FHL2: variants seen among roughly 807,000 people sequenced by gnomAD.
FHL2 encodes the protein four and a half LIM domains 2, also known as four and a half LIM domains protein 2.
A neutral mutation model predicts 32.7 loss-of-function variants in FHL2; 20 were observed. The observed-to-expected ratio is 0.61, with a 90% CI of 0.43 to 0.89. The LOEUF is 0.89. Ranked by LOEUF, FHL2 falls within the 40% of genes least tolerant of loss-of-function variation. The probability of loss-of-function intolerance (pLI) is 0.00; values close to 1 mark genes in which losing one functional copy is unlikely to be tolerated. For synonymous variants in FHL2, 123 were observed against 128.1 expected (o/e 0.96, Z 0.27); for missense variants, 311 against 358.6 (o/e 0.87, Z 1.07).
At chr2:105,373,909 A>G (rs1252342986) in intron 3 of FHL2, among the ~76,000 whole-genome samples, 176 bp from the exon 4 acceptor site, 1 of 152,240 alleles carries the variant, frequency 6.6e-6, no homozygotes, top group Non-Finnish European at 1.5e-5. Context: ...AATTAAGACT[A>G]GGCTGCTTTT....
At chr2:105,371,113 C>T (rs1008257750) in intron 4 of FHL2, among the ~76,000 whole-genome samples, 1 of 152,084 alleles carries the variant, frequency 6.6e-6, no homozygotes, top group Non-Finnish European at 1.5e-5. Context: ...TTTTCTTTCC[C>T]TCCCCAGTAA....
upstream of FHL2, among the ~76,000 whole-genome samples, chr2:105,402,076 T>C (rs916497741): frequency 9.4e-5 from 14 of 149,276 alleles, no homozygotes; most frequent in South Asian, 1.3e-3. Flanking sequence ...CATATACATG[T>C]ATATATGTGT....
chr2:105,386,203 G>T, intron 3 of FHL2, 158 bp downstream of exon 3: 1 of 716,198 alleles, frequency 1.4e-6, no homozygotes, highest in Non-Finnish European at 2.2e-6. Flanking sequence ...TTCGCTAGAG[G>T]GAAGAAGCTT....
intron 3 of FHL2, 94 bp downstream of exon 3, chr2:105,386,267 C>T: frequency 2.8e-6 from 4 of 1,448,304 alleles, no homozygotes; most frequent in Non-Finnish European, 2.8e-6. Context: ...AAGAGACAGA[C>T]TTCAGTGGTG....
intron 3 of FHL2, among the ~76,000 whole-genome samples, chr2:105,380,327 T>C (rs1286095893): frequency 1.3e-5 from 2 of 152,214 alleles, no homozygotes; most frequent in African/African-American, 4.8e-5. Flanking sequence ...TCTGAATCTT[T>C]ACCTGTGAAG....
chr2:105,386,247 G>T, intron 3 of FHL2, 114 bp downstream of exon 3: 1 of 1,254,624 alleles, frequency 8.0e-7, no homozygotes. Flanking sequence ...ACGCCCCTCA[G>T]AGGGGGCTCA....
intron 1 of FHL2, among the ~76,000 whole-genome samples, chr2:105,434,048 C>G (rs756868026): frequency 5.3e-5 from 8 of 152,270 alleles, no homozygotes; most frequent in Non-Finnish European, 1.2e-4. Flanking sequence ...TGTTCACATT[C>G]CTTCTCACCT....
intron 2 of FHL2, among the ~76,000 whole-genome samples, chr2:105,389,018 G>A (rs1295264984): frequency 1.3e-5 from 2 of 152,194 alleles, no homozygotes; most frequent in African/African-American, 2.4e-5. Flanking sequence ...GTACTATTGC[G>A]TATACACGAT....
chr2:105,384,937 T>G (rs1682190229), intron 3 of FHL2, among the ~76,000 whole-genome samples: 4 of 152,224 alleles, frequency 2.6e-5, no homozygotes, highest in South Asian at 4.1e-4. Flanking sequence ...GCTCTCATGC[T>G]TGTCCTGTTA....
At chr2:105,405,489 T>C (rs1683600407) in intron 1 of FHL2, among the ~76,000 whole-genome samples, 2 of 152,200 alleles carry the variant, frequency 1.3e-5, no homozygotes, top group African/African-American at 4.8e-5. Flanking sequence ...CCGCTCACTG[T>C]AAACTCTGCC....
chr2:105,381,926 C>T (rs796279779), intron 3 of FHL2, among the ~76,000 whole-genome samples: 1 of 152,182 alleles, frequency 6.6e-6, no homozygotes, highest in African/African-American at 2.4e-5. Flanking sequence ...TGTGTTACAC[C>T]GAGGACAGAA....
chr2:105,437,042 A>T (rs1172732419), intron 1 of FHL2, among the ~76,000 whole-genome samples: 2 of 152,202 alleles, frequency 1.3e-5, no homozygotes, highest in East Asian at 3.8e-4. Flanking sequence ...TCTGAAATCA[A>T]TGGAGAACTC....
At chr2:105,412,773 A>G (rs1432703496) in intron 1 of FHL2, among the ~76,000 whole-genome samples, 1 of 152,150 alleles carries the variant, frequency 6.6e-6, no homozygotes, top group Non-Finnish European at 1.5e-5. Context: ...GAAGCCAGTG[A>G]CTGACACAGC....
intron 1 of FHL2, among the ~76,000 whole-genome samples, chr2:105,410,090 A>G (rs1683748601): frequency 6.6e-6 from 1 of 152,252 alleles, no homozygotes; most frequent in African/African-American, 2.4e-5. Flanking sequence ...GACAGAGTTC[A>G]GGGATCACAC....
rs527642280 is a variant in FHL2 at position 105,414,507 on chromosome 2, A to G, written c.-25+23892T>C. On this transcript the variant is annotated intron_variant, in intron 1 of 5. Transcript: ENST00000393352. ...CGCCGCCATTATCTCATTAGCATAC[A>G]AAAGTACTCTTGTCACTCAAGAGAT... Among the ~76,000 whole-genome samples, 150 of 152,014 alleles carry G rather than the reference A, an allele frequency of 9.9e-4. 3 individuals carry two copies. Among genetic ancestry groups the G allele is most frequent in the Non-Finnish European group, 3.8e-4 (26 of 67,976 alleles).
intron 1 of FHL2, among the ~76,000 whole-genome samples, chr2:105,422,239 G>T (rs983614651): frequency 6.6e-6 from 1 of 152,204 alleles, no homozygotes; most frequent in Non-Finnish European, 1.5e-5. Context: ...TTTTCAAGAT[G>T]CTGGTGTTAT....
At chr2:105,398,268 C>A (rs1487970038) in intron 1 of FHL2, among the ~76,000 whole-genome samples, 1 of 151,720 alleles carries the variant, frequency 6.6e-6, no homozygotes, top group Non-Finnish European at 1.5e-5. Flanking sequence ...GCTAAGATAT[C>A]ACACGAGTGC....
At chr2:105,389,112 A>T (rs1682538396) in intron 2 of FHL2, among the ~76,000 whole-genome samples, 1 of 152,248 alleles carries the variant, frequency 6.6e-6, no homozygotes, top group Non-Finnish European at 1.5e-5. Context: ...ATTCTCTTCC[A>T]AGAGCAATAA....
rs929135438 is a variant in FHL2 at position 105,398,997 on chromosome 2, G to T, written c.-231C>A. The T allele has an allele frequency of 1.1e-5, 17 of 1,501,112 alleles. No homozygotes were observed. The African/African-American group carries it at 1.6e-4, about 14-fold the overall frequency. The allele number at this position is 1,501,112 out of a possible 1,614,324, so 93.0% of individuals were successfully genotyped here. On this transcript the variant is annotated 5_prime_UTR_variant, in exon 1 of 7. Coordinates refer to ENST00000530340, the MANE Select transcript of FHL2 (RefSeq NM_001318895.3). Reference sequence around the variant, plus strand: ...CACCGCAGCGGGCCGGGGACTCCCGGACGGGGCTGGAGGGCGCGGGCGGCT... The same window carrying T: ...CACCGCAGCGGGCCGGGGACTCCCGTACGGGGCTGGAGGGCGCGGGCGGCT...
Sources: allele counts gnomAD v4.1 joint callset (sites outside exome capture counted in the v4.1 genomes callset), GRCh38; gene constraint gnomAD v4.1.1; transcripts MANE v1.5; gene names NCBI Gene and HGNC (gene_info 2026-07-23, HGNC 2026-07-21).